The following PCBP3 variants were observed in gnomAD, a reference collection of about 807,000 sequenced individuals.
The protein encoded by PCBP3 is poly(rC)-binding protein 3.
A neutral mutation model predicts 52.7 loss-of-function variants in PCBP3; 25 were observed. The ratio of observed to expected loss-of-function variants is 0.47; its 90% confidence interval spans 0.35 to 0.66. The LOEUF (loss-of-function observed/expected upper bound fraction) is 0.66. PCBP3 is among the 30% of genes least tolerant of loss of function. The probability of loss-of-function intolerance (pLI) is 0.01; values close to 1 mark genes in which losing one functional copy is unlikely to be tolerated. For missense variants in PCBP3, 391 were observed against 490.3 expected (o/e 0.80, Z 1.91); for synonymous variants, 162 against 183.0 (o/e 0.89, Z 0.93).
intron 4 of PCBP3, among the ~76,000 whole-genome samples, chr21:45,795,051 G>A (rs1235341647): frequency 6.6e-6 from 1 of 152,154 alleles, no homozygotes; most frequent in Non-Finnish European, 1.5e-5. Flanking sequence ...GGCATTAAAT[G>A]GGACAAAGAT....
intron 5 of PCBP3, among the ~76,000 whole-genome samples, chr21:45,857,353 C>T (rs2094340429): frequency 6.6e-6 from 1 of 152,090 alleles, no homozygotes; most frequent in Admixed American, 6.5e-5. Context: ...TAGAGCATGA[C>T]TCCCCAGAAC....
intron 5 of PCBP3, chr21:45,873,293 G>T (rs908326650): frequency 6.6e-6 from 1 of 152,200 alleles, no homozygotes. Flanking sequence ...GAGCAACCCA[G>T]AAATATTCTC....
intron 4 of PCBP3, among the ~76,000 whole-genome samples, chr21:45,776,430 G>A (rs546009790): frequency 1.8e-4 from 27 of 151,494 alleles, no homozygotes; most frequent in African/African-American, 6.0e-4. Context: ...TTGTACTTGA[G>A]TCTCTCTCTC....
At position 45,827,280 on chromosome 21, in the gene PCBP3, C is replaced by T. The variant is rs1377230127; in HGVS notation, c.-125-22681C>T. ...CAATGAGGCAGCACACCTCTGCCCC[C>T]GCTGCGATGGTGTCGGAGGAGGCCG... On this transcript the variant is annotated intron_variant, in intron 4 of 17. Transcript: ENST00000681687. This position sits in a 1 kb window ranked among gnomAD's most constrained non-coding sequence, Gnocchi z 4.3. Among the ~76,000 whole-genome samples the T allele has an allele frequency of 3.3e-5, 5 of 152,122 alleles. No individual in the cohort carries two copies. Among genetic ancestry groups the T allele is most frequent in the African/African-American group, 4.8e-5 (2 of 41,408 alleles).
chr21:45,792,030 G>A (rs1050903915), intron 4 of PCBP3, among the ~76,000 whole-genome samples: 2 of 152,260 alleles, frequency 1.3e-5, no homozygotes, highest in African/African-American at 4.8e-5. Context: ...CATTTTCTCT[G>A]TGCTGGGACC....
intron 2 of PCBP3, among the ~76,000 whole-genome samples, chr21:45,675,212 G>T (rs1473145425): frequency 6.6e-6 from 1 of 152,332 alleles, no homozygotes; most frequent in South Asian, 2.1e-4. Context: ...GGGCAGTGGG[G>T]TGGAGGTCAG....
At chr21:45,718,428 G>T (rs1367667803) in intron 2 of PCBP3, among the ~76,000 whole-genome samples, 1 of 151,598 alleles carries the variant, frequency 6.6e-6, no homozygotes, top group Admixed American at 6.6e-5. Context: ...TTAGGTTATC[G>T]AATTGAGATC....
intron 2 of PCBP3, among the ~76,000 whole-genome samples, chr21:45,734,954 C>A (rs2085751924): frequency 6.6e-6 from 1 of 152,174 alleles, no homozygotes; most frequent in South Asian, 2.1e-4. Flanking sequence ...CAGGGAGAAC[C>A]CTTGGCCTGT....
intron 2 of PCBP3, among the ~76,000 whole-genome samples, chr21:45,716,055 C>T (rs1292885637): frequency 6.6e-6 from 1 of 152,098 alleles, no homozygotes; most frequent in African/African-American, 2.4e-5. Flanking sequence ...AATCCAAGGT[C>T]ACATTTTCAT....
chr21:45,849,922 A>C (rs2093929177), intron 4 of PCBP3, 39 bp from the exon 5 acceptor site: 3 of 679,160 alleles, frequency 4.4e-6, no homozygotes, highest in East Asian at 2.7e-5. Context: ...GAGGCCCTGC[A>C]CTGGTGCGCT....
chr21:45,722,960 G>A (rs558862723), intron 2 of PCBP3, among the ~76,000 whole-genome samples: 73 of 151,882 alleles, frequency 4.8e-4, no homozygotes, highest in Non-Finnish European at 9.3e-4. Flanking sequence ...GTTGCAGTGA[G>A]CTGATAGCGC....
At chr21:45,846,732 G>A (rs148409818) in intron 4 of PCBP3, among the ~76,000 whole-genome samples, 5 of 152,312 alleles carry the variant, frequency 3.3e-5, no homozygotes, top group East Asian at 1.9e-4. Flanking sequence ...TGGGTCCTCC[G>A]GCATCAAGAA....
At chr21:45,850,347 G>A (rs895296453) in intron 5 of PCBP3, among the ~76,000 whole-genome samples, 4 of 152,154 alleles carry the variant, frequency 2.6e-5, no homozygotes, top group South Asian at 2.1e-4. Flanking sequence ...GGTGGTTCTC[G>A]CACAGCCTTC....
intron 15 of PCBP3, among the ~76,000 whole-genome samples, chr21:45,933,596 A>T (rs1208013420): frequency 1.3e-5 from 2 of 152,248 alleles, no homozygotes; most frequent in African/African-American, 4.8e-5. Context: ...ATAACTGAAT[A>T]ACCAAATAAG....
intron 2 of PCBP3, among the ~76,000 whole-genome samples, chr21:45,699,843 CAT>C (rs2083001878): frequency 6.6e-6 from 1 of 152,214 alleles, no homozygotes; most frequent in African/African-American, 2.4e-5. Context: ...CCTCCCACAA[CAT>C]GTGGGAGTTT....
intron 5 of PCBP3, among the ~76,000 whole-genome samples, chr21:45,878,300 C>T (rs1010414436): frequency 1.3e-5 from 2 of 152,254 alleles, no homozygotes; most frequent in Non-Finnish European, 2.9e-5. Flanking sequence ...GGGGGGTCCT[C>T]CCGGGGCTGT....
rs1320331439 is a variant in PCBP3, at chr21:45,848,043, A to G, written c.-125-1918A>G. 4 of 152,242 alleles carry G rather than the reference A, an allele frequency of 2.6e-5. No homozygotes were observed. The East Asian group carries it at 7.7e-4, about 29-fold the overall frequency. 9.4% of individuals were successfully genotyped at this position (152,242 alleles called of 1,614,324 possible). ...TCTTTGATGTTCTCAGTCCTCCTGC[A>G]GTGTTCCTTATGCAGTCATTACCAG... On this transcript the variant is annotated intron_variant, in intron 4 of 17. Coordinates refer to ENST00000681687, the MANE Select transcript of PCBP3 (RefSeq NM_001384156.1).
intron 5 of PCBP3, among the ~76,000 whole-genome samples, chr21:45,893,158 G>T (rs1204609128): frequency 2.0e-5 from 3 of 152,088 alleles, no homozygotes; most frequent in Admixed American, 6.5e-5. Context: ...GCAGTTGTGG[G>T]GTGATGGATG....
At chr21:45,644,978 C>CGGG (rs2079161737) in intron 1 of PCBP3, among the ~76,000 whole-genome samples, 1 of 152,216 alleles carries the variant, frequency 6.6e-6, no homozygotes, top group East Asian at 1.9e-4. Flanking sequence ...AACTAACTCC[C>CGGG]AGTCCTCCTC....
Sources: gnomAD v4.1 joint callset for allele counts (sites outside exome capture counted in the v4.1 genomes callset) on GRCh38, gnomAD v4.1.1 for gene constraint, Gnocchi (gnomAD v3.1) non-coding constraint, MANE v1.5 for transcripts, NCBI Gene and HGNC (gene_info 2026-07-23, HGNC 2026-07-21) for gene names.